CST8: variants seen among roughly 807,000 people sequenced by gnomAD.
The protein encoded by CST8 is cystatin 8.
In CST8, 20 loss-of-function variants were observed where a neutral mutation model predicts 11.8. That is an observed-to-expected ratio of 1.70 (90% CI 1.20 to 2.47). The LOEUF (loss-of-function observed/expected upper bound fraction) is 2.47, where lower values mean the gene tolerates loss of function less well. CST8 is among the 30% of genes most tolerant of loss of function. The pLI, the probability that CST8 is intolerant of heterozygous loss-of-function variation, is 0.00. For missense variants in CST8, 196 were observed against 167.2 expected, an observed-to-expected ratio of 1.17 and a Z score of -0.95; for synonymous variants, 77 against 63.1, an observed-to-expected ratio of 1.22 and a Z score of -1.05.
At chr20:23,502,817 G>A in the CST8 span, among the ~76,000 whole-genome samples, 3 of 152,172 alleles carry the variant, frequency 2.0e-5, no homozygotes, top group East Asian at 1.9e-4. Flanking sequence ...GTAAGACTCC[G>A]GAATAAAAAA....
chr20:23,493,184 C>A, intron 3 of CST8, 113 bp downstream of exon 3: 2 of 716,068 alleles, frequency 2.8e-6, no homozygotes, highest in Non-Finnish European at 2.5e-6. Flanking sequence ...GTGTTTAGCC[C>A]CAGATAGCCA....
chr20:23,506,414 A>G, the CST8 span, among the ~76,000 whole-genome samples: 18 of 152,336 alleles, frequency 1.2e-4, no homozygotes, highest in African/African-American at 4.1e-4. Flanking sequence ...CCAGTTTTAT[A>G]GAAAAGCATG....
chr20:23,494,976 C>G (rs3004102), intron 3 of CST8, among the ~76,000 whole-genome samples: 97,506 of 152,010 alleles, frequency 0.64, 31,590 homozygotes, highest in African/African-American at 0.71. Flanking sequence ...GCCCTCCATT[C>G]TCCAGGAGGC....
chr20:23,501,369 C>G, the CST8 span, among the ~76,000 whole-genome samples: 4 of 152,182 alleles, frequency 2.6e-5, no homozygotes, highest in African/African-American at 9.7e-5. Context: ...TGTGAATCCC[C>G]CAAAGTTCCC....
At chr20:23,505,800 C>G in the CST8 span, among the ~76,000 whole-genome samples, 2 of 152,094 alleles carry the variant, frequency 1.3e-5, no homozygotes, top group Non-Finnish European at 2.9e-5. Context: ...CCATCCTGGA[C>G]GCACTGACTC....
In CST8 at chr20:23,493,023, A is replaced by G. The variant is rs1350954302; in HGVS notation, c.297A>G (p.Leu99=). 1 of 1,613,594 alleles carries G rather than the reference A, an allele frequency of 6.2e-7. No individual in the cohort carries two copies. The highest frequency in any genetic ancestry group is 1.7e-5 in the Admixed American group (1 of 60,008). The change falls in exon 3 of 4, where the codon TTA becomes TTG. Residue 99 remains leucine (L), a synonymous_variant. Coordinates refer to ENST00000246012, the MANE Select transcript of CST8 (RefSeq NM_005492.4). ...EIARSDCRKP[L]STNEICAIQE... The stretch of plus-strand genomic sequence containing the variant: ...CCCGCAGCGATTGCAGAAAGCCTTT[A>G]AGCACTAATGAAATCTGCGCCATTC...
At chr20:23,498,478 G>A (rs931161571), downstream of CST8, among the ~76,000 whole-genome samples, 6 of 152,176 alleles carry the variant, frequency 3.9e-5, no homozygotes, top group African/African-American at 1.4e-4. Flanking sequence ...AAACTCCAAG[G>A]CCTCAAACTA....
At chr20:23,504,007 G>C in the CST8 span, among the ~76,000 whole-genome samples, 1 of 152,232 alleles carries the variant, frequency 6.6e-6, no homozygotes, top group Non-Finnish European at 1.5e-5. Context: ...AGGGGAATTG[G>C]AGACCATGAG....
chr20:23,493,231 G>A (rs1007981806), intron 3 of CST8, among the ~76,000 whole-genome samples, 160 bp downstream of exon 3: 4 of 152,142 alleles, frequency 2.6e-5, no homozygotes, highest in South Asian at 2.1e-4. Flanking sequence ...CCAGGGCCAC[G>A]GAACGTGGTG....
rs73901886 is a variant in CST8 at position 23,495,965 on chromosome 20, A to G, written c.*51A>G. 8.1e-4 allele frequency: 1,111 copies of G among 1,371,162 alleles called. 16 individuals are homozygous for G. In the African/African-American group the frequency reaches 0.015, roughly 18 times the overall value. The allele number at this position is 1,371,162 out of a possible 1,614,324, so 84.9% of individuals were successfully genotyped here. A position where few individuals can be genotyped will look rare whatever the true frequency, so the allele number is the denominator to read the frequency against. ...CTCTGTGACTACTTTATCCATGAAA[A>G]TGAAGCAATGGCAGGTGGGAGGCTC... On this transcript the variant is annotated 3_prime_UTR_variant, in exon 4 of 4. Coordinates refer to ENST00000246012, the MANE Select transcript of CST8 (RefSeq NM_005492.4).
At chr20:23,501,472 G>C in the CST8 span, among the ~76,000 whole-genome samples, 1 of 152,248 alleles carries the variant, frequency 6.6e-6, no homozygotes, top group African/African-American at 2.4e-5. Flanking sequence ...TCCCCGCAGG[G>C]AGACTGAGGC....
At chr20:23,500,020 GAAAC>G (rs1185971900), downstream of CST8, among the ~76,000 whole-genome samples, 1 of 151,564 alleles carries the variant, frequency 6.6e-6, no homozygotes, top group Admixed American at 6.6e-5. Flanking sequence ...GAGAGAGAGA[GAAAC>G]AGAGAGGACA....
At chr20:23,503,750 A>G in the CST8 span, among the ~76,000 whole-genome samples, 2 of 152,236 alleles carry the variant, frequency 1.3e-5, no homozygotes, top group East Asian at 3.9e-4. Context: ...GCGGAAGTAC[A>G]GGAGAGACAG....
the CST8 span, among the ~76,000 whole-genome samples, chr20:23,505,440 A>T: frequency 3.9e-5 from 6 of 152,118 alleles, no homozygotes; most frequent in Non-Finnish European, 7.4e-5. Flanking sequence ...CACCGCGCCC[A>T]GCCACAAGAA....
chr20:23,494,612 G>C (rs976773907), intron 3 of CST8, among the ~76,000 whole-genome samples: 4 of 152,132 alleles, frequency 2.6e-5, no homozygotes, highest in African/African-American at 9.7e-5. Context: ...CTTGCGGTTT[G>C]TCCAGGACCA....
the CST8 span, among the ~76,000 whole-genome samples, chr20:23,505,139 C>CTTTTTTTTTTT: frequency 1.2e-5 from 1 of 82,030 alleles, no homozygotes; most frequent in African/African-American, 5.0e-5. Context: ...AAGAAGCATT[C>CTTTTTTTTTTT]TTTTTTTTTT....
chr20:23,505,552 C>G, the CST8 span, among the ~76,000 whole-genome samples: 1 of 152,128 alleles, frequency 6.6e-6, no homozygotes, highest in Non-Finnish European at 1.5e-5. Context: ...CAGCCAAGGG[C>G]TGCTTTTATC....
intron 3 of CST8, among the ~76,000 whole-genome samples, chr20:23,494,748 G>T (rs1377085891): frequency 6.6e-6 from 1 of 152,214 alleles, no homozygotes; most frequent in African/African-American, 2.4e-5. Flanking sequence ...TTCTTTGGAA[G>T]AAAAGATATG....
downstream of CST8, among the ~76,000 whole-genome samples, chr20:23,498,998 G>A (rs572919804): frequency 5.9e-5 from 9 of 152,296 alleles, no homozygotes; most frequent in South Asian, 1.9e-3. Flanking sequence ...TGGGATATGA[G>A]TGTCTTAAGA....
Sources: gnomAD v4.1 joint callset for allele counts (sites outside exome capture counted in the v4.1 genomes callset) on GRCh38, gnomAD v4.1.1 for gene constraint, MANE v1.5 for transcripts, NCBI Gene and HGNC (gene_info 2026-07-23, HGNC 2026-07-21) for gene names.